Variants in CAPN8 observed in about 807,000 individuals in gnomAD.
CAPN8 encodes calpain 8, also known as calpain-8.
Under a neutral mutation model 80.9 loss-of-function variants are expected in CAPN8, and 87 were observed. The observed-to-expected ratio is 1.07, with a 90% CI of 0.90 to 1.28. CAPN8 has a LOEUF of 1.28. Ranked by LOEUF, CAPN8 falls within the 50% of genes most tolerant of loss-of-function variation. The pLI is 0.00. For missense variants in CAPN8, 757 were observed against 702.0 expected, an observed-to-expected ratio of 1.08 and a Z score of -0.89; for synonymous variants, 299 against 273.8, an observed-to-expected ratio of 1.09 and a Z score of -0.91.
In CAPN8 at chr1:223,621,354, C is replaced by G. The variant is rs543745350; in HGVS notation, c.900-1088G>C. 9.9e-5 allele frequency among the ~76,000 whole-genome samples: 15 copies of G among 151,796 alleles called. No homozygotes were observed. The South Asian group carries it at 2.9e-3, about 30-fold the overall frequency. ...TCCAATAGCTGATATATATAATTATCCCAGGTTGCATCTCCAGCTGGTAGG... is the reference window on the plus strand; with the variant it reads ...TCCAATAGCTGATATATATAATTATGCCAGGTTGCATCTCCAGCTGGTAGG... On this transcript the variant is annotated intron_variant, in intron 7 of 20. Transcript: ENST00000366872.
At chr1:223,615,026 C>A (rs2102700268) in intron 10 of CAPN8, among the ~76,000 whole-genome samples, 1 of 152,346 alleles carries the variant, frequency 6.6e-6, no homozygotes, top group Non-Finnish European at 1.5e-5. Flanking sequence ...CACATATACA[C>A]CCTAAACTCT....
chr1:223,634,144 G>A (rs890385143), intron 2 of CAPN8, among the ~76,000 whole-genome samples: 12 of 152,144 alleles, frequency 7.9e-5, no homozygotes, highest in African/African-American at 2.7e-4. Flanking sequence ...AGTCTCCCTC[G>A]GGTATTATGT....
At chr1:223,612,332 A>G (rs964472781) in intron 10 of CAPN8, 75 bp from the exon 11 acceptor site, 4 of 1,213,980 alleles carry the variant, frequency 3.3e-6, no homozygotes, top group Non-Finnish European at 4.1e-6. Context: ...CTCTCTCCCT[A>G]TGTCTTGCAA....
intron 10 of CAPN8, among the ~76,000 whole-genome samples, chr1:223,615,236 G>C (rs1048102307): frequency 6.6e-6 from 1 of 152,096 alleles, no homozygotes; most frequent in South Asian, 2.1e-4. Context: ...TAATAAAATT[G>C]ATTTAAAAAT....
At chr1:223,619,236 CCCAG>C in intron 9 of CAPN8, 53 bp downstream of exon 9, 1 of 1,526,282 alleles carries the variant, frequency 6.6e-7, no homozygotes, top group Non-Finnish European at 8.8e-7. Context: ...CATAAAATGA[CCCAG>C]CTCAGGGAGG....
chr1:223,631,103 C>T (rs1255991664), intron 2 of CAPN8, among the ~76,000 whole-genome samples: 2 of 152,144 alleles, frequency 1.3e-5, no homozygotes, highest in African/African-American at 4.8e-5. Flanking sequence ...ATCTCCCAAT[C>T]GAACTTGGAT....
intron 2 of CAPN8, among the ~76,000 whole-genome samples, chr1:223,647,217 C>A (rs1465378711): frequency 6.6e-6 from 1 of 152,170 alleles, no homozygotes; most frequent in Non-Finnish European, 1.5e-5. Context: ...GATTCTTAAC[C>A]TTTCCTGTGC....
At chr1:223,632,409 C>T (rs1657798791) in intron 2 of CAPN8, among the ~76,000 whole-genome samples, 1 of 147,702 alleles carries the variant, frequency 6.8e-6, no homozygotes, top group African/African-American at 2.5e-5. Flanking sequence ...AGGTCTCGCT[C>T]TGTTGCCCAG....
chr1:223,648,780 A>G (rs998176118), intron 2 of CAPN8, among the ~76,000 whole-genome samples: 2 of 152,262 alleles, frequency 1.3e-5, no homozygotes, highest in East Asian at 1.9e-4. Flanking sequence ...TCCATTTCAT[A>G]GAGGTGAAGA....
Position 223,558,180 on chromosome 1 carries a change from GA to G in CAPN8, c.1536-14del, listed in dbSNP as rs1656947739. Reference sequence around the variant, plus strand: ...ATCCCCAATTTCTCTGAAATGCAAAGAAAGAAATAAACCAAACATGAGTAAG... The same window carrying G: ...ATCCCCAATTTCTCTGAAATGCAAAGAAGAAATAAACCAAACATGAGTAAG... On this transcript the variant is annotated splice_polypyrimidine_tract_variant and intron_variant, in intron 12 of 20. Transcript: ENST00000366872. The G allele has an allele frequency of 2.5e-6, 1 of 398,474 alleles. No homozygotes were observed. Among genetic ancestry groups the G allele is most frequent in the Non-Finnish European group, 4.4e-6 (1 of 226,054 alleles). 24.7% of individuals were successfully genotyped at this position (398,474 alleles called of 1,614,324 possible).
chr1:223,628,833 C>T (rs953015067), intron 2 of CAPN8, 53 bp from the exon 3 acceptor site: 4 of 1,392,378 alleles, frequency 2.9e-6, no homozygotes, highest in African/African-American at 2.9e-5. Flanking sequence ...TGCAGGGGCC[C>T]TGCTTTCTCT....
intron 4 of CAPN8, 120 bp downstream of exon 4, chr1:223,627,889 G>A: frequency 1.6e-6 from 2 of 1,213,492 alleles, no homozygotes; most frequent in Non-Finnish European, 2.2e-6. Flanking sequence ...TGGGGGTCTG[G>A]ATGCTGGGAA....
At chr1:223,619,492 C>CTGGG in intron 8 of CAPN8, 39 bp from the exon 9 acceptor site, 2 of 1,549,608 alleles carry the variant, frequency 1.3e-6, no homozygotes, top group Non-Finnish European at 1.7e-6. Flanking sequence ...GTGAAGAGGG[C>CTGGG]TGGGTTGTGA....
chr1:223,649,534 G>T (rs2102732154), intron 2 of CAPN8, among the ~76,000 whole-genome samples: 1 of 152,306 alleles, frequency 6.6e-6, no homozygotes, highest in Non-Finnish European at 1.5e-5. Flanking sequence ...TACCCACCCA[G>T]CAGTGTCGGC....
At chr1:223,555,802 C>T (rs949169546) in intron 13 of CAPN8, among the ~76,000 whole-genome samples, 98 of 152,274 alleles carry the variant, frequency 6.4e-4, no homozygotes, top group African/African-American at 2.2e-3. Context: ...ATGAGGAAAA[C>T]GTGTACGTGG....
intron 2 of CAPN8, among the ~76,000 whole-genome samples, chr1:223,639,410 A>T (rs1030383452): frequency 2.0e-5 from 3 of 152,252 alleles, no homozygotes; most frequent in African/African-American, 7.2e-5. Context: ...GCACAAGGAG[A>T]GTGCCTTCTG....
chr1:223,645,391 T>C lies in CAPN8; in HGVS notation c.307+8939A>G, dbSNP rs187750307. On this transcript the variant is annotated intron_variant, in intron 2 of 20. Coordinates refer to ENST00000366872, the MANE Select transcript of CAPN8 (RefSeq NM_001143962.2). ...ACACACCCAGGAACAGTACTTTGTA[T>C]CCTTCAATCCAATCAAGTTGACACT... Among the ~76,000 whole-genome samples the C allele has an allele frequency of 2.6e-4, 40 of 152,246 alleles. 1 individual carries two copies. In the South Asian group the frequency reaches 5.0e-3, roughly 19 times the overall value.
rs1210848403 is a variant in CAPN8 at position 223,551,030 on chromosome 1, A to G, written c.1642-13T>C. On this transcript the variant is annotated splice_polypyrimidine_tract_variant and intron_variant, in intron 14 of 20. Transcript: ENST00000366872. ...TAATCTCAGAATCCTAGAAAGAGGA[A>G]CCCAAATGCAAATCATGTCAGGCCC... The G allele has an allele frequency of 2.8e-6, 2 of 717,728 alleles. No homozygotes were observed. The highest frequency in any genetic ancestry group is 1.5e-5 in the South Asian group (1 of 67,488). The allele number at this position is 717,728 out of a possible 1,614,324, so 44.5% of individuals were successfully genotyped here. A position where few individuals can be genotyped will look rare whatever the true frequency, so the allele number is the denominator to read the frequency against.
chr1:223,662,134 A>T (rs985140429), intron 1 of CAPN8, among the ~76,000 whole-genome samples: 1 of 152,172 alleles, frequency 6.6e-6, no homozygotes, highest in Non-Finnish European at 1.5e-5. Flanking sequence ...AAGAGACAGA[A>T]AGGAGAACAG....
Sources: gnomAD v4.1 joint callset for allele counts (sites outside exome capture counted in the v4.1 genomes callset) on GRCh38, gnomAD v4.1.1 for gene constraint, MANE v1.5 for transcripts, NCBI Gene and HGNC (gene_info 2026-07-23, HGNC 2026-07-21) for gene names.